The following ADGRB3 variants were observed in gnomAD, a reference collection of about 807,000 sequenced individuals.
The protein encoded by ADGRB3 is adhesion G protein-coupled receptor B3, also known as brain-specific angiogenesis inhibitor 3.
Under a neutral mutation model 193.4 loss-of-function variants are expected in ADGRB3, and 37 were observed. The observed-to-expected ratio is 0.19, with a 90% CI of 0.15 to 0.25. ADGRB3 has a LOEUF of 0.25. Ranked by LOEUF, ADGRB3 falls within the 10% of genes least tolerant of loss-of-function variation. ADGRB3 has a pLI of 1.00. For synonymous variants in ADGRB3, 690 were observed against 644.2 expected (o/e 1.07, Z -1.08); for missense variants, 1,637 against 1,852.9 (o/e 0.88, Z 2.14).
intron 11 of ADGRB3, among the ~76,000 whole-genome samples, chr6:69,013,434 AGAG>A (rs2150285017): frequency 6.6e-6 from 1 of 152,232 alleles, no homozygotes; most frequent in Admixed American, 6.5e-5. Flanking sequence ...GGCAAAAGGC[AGAG>A]GAGTAAAGAG....
chr6:69,027,139 A>G (rs1002901450), intron 13 of ADGRB3, among the ~76,000 whole-genome samples: 1 of 152,116 alleles, frequency 6.6e-6, no homozygotes, highest in African/African-American at 2.4e-5. Flanking sequence ...CATATTGTAC[A>G]GCTGTAAAAA....
chr6:68,681,517 A>G (rs1764896458), intron 3 of ADGRB3, among the ~76,000 whole-genome samples: 1 of 152,044 alleles, frequency 6.6e-6, no homozygotes, highest in South Asian at 2.1e-4. Context: ...CGGCCTCAAG[A>G]AGTCCTTTCA....
chr6:68,998,881 A>G (rs1263209224), intron 11 of ADGRB3, among the ~76,000 whole-genome samples: 1 of 152,166 alleles, frequency 6.6e-6, no homozygotes, highest in Non-Finnish European at 1.5e-5. Flanking sequence ...CTAAGATCCT[A>G]TTCTTTCCTA....
At chr6:68,868,522 C>G (rs757540958) in intron 3 of ADGRB3, among the ~76,000 whole-genome samples, 24 of 152,130 alleles carry the variant, frequency 1.6e-4, no homozygotes, top group Non-Finnish European at 2.9e-4. Context: ...ATATATAACA[C>G]TATAATTTTT....
intron 8 of ADGRB3, among the ~76,000 whole-genome samples, chr6:68,958,339 C>T (rs890533813): frequency 2.6e-5 from 4 of 152,044 alleles, no homozygotes; most frequent in African/African-American, 7.2e-5. Flanking sequence ...TCCAGTGCTG[C>T]GTAAGAAGAA....
At chr6:69,383,926 G>A (rs996192220) in intron 31 of ADGRB3, among the ~76,000 whole-genome samples, 2 of 151,738 alleles carry the variant, frequency 1.3e-5, no homozygotes, top group South Asian at 4.2e-4. Context: ...TATTTATATT[G>A]TTCTAAAGTA....
At chr6:69,235,215 G>A (rs1039324437) in intron 19 of ADGRB3, 80 bp downstream of exon 19, 10 of 1,074,198 alleles carry the variant, frequency 9.3e-6, no homozygotes, top group Middle Eastern at 2.0e-4. Flanking sequence ...ATTATTAAAT[G>A]TCTCCTGTCT....
chr6:68,854,957 A>G (rs1028730572), intron 3 of ADGRB3, among the ~76,000 whole-genome samples: 9 of 151,660 alleles, frequency 5.9e-5, no homozygotes, highest in East Asian at 1.9e-4. Flanking sequence ...TGCCCCAAAA[A>G]CCCATCCCTG....
At chr6:68,972,747 C>T (rs957995163) in intron 8 of ADGRB3, among the ~76,000 whole-genome samples, 2 of 151,840 alleles carry the variant, frequency 1.3e-5, no homozygotes, top group African/African-American at 2.4e-5. Flanking sequence ...AAACACCTAA[C>T]GTAAGGAAGA....
At chr6:69,338,414 A>T (rs915495180) in intron 24 of ADGRB3, among the ~76,000 whole-genome samples, 2 of 152,176 alleles carry the variant, frequency 1.3e-5, no homozygotes, top group Non-Finnish European at 2.9e-5. Context: ...TTGAGAAAAA[A>T]ATTACATCTT....
At chr6:69,174,687 A>G (rs1775376895) in intron 17 of ADGRB3, among the ~76,000 whole-genome samples, 1 of 152,240 alleles carries the variant, frequency 6.6e-6, no homozygotes, top group African/African-American at 2.4e-5. Flanking sequence ...TGCTTTCCAC[A>G]GTAGCTGAAC....
chr6:68,817,595 C>T (rs890341696), intron 3 of ADGRB3, among the ~76,000 whole-genome samples: 8 of 151,402 alleles, frequency 5.3e-5, no homozygotes, highest in Admixed American at 1.3e-4. Flanking sequence ...TCTAGTGAAA[C>T]CCCAGCAACA....
intron 29 of ADGRB3, among the ~76,000 whole-genome samples, chr6:69,363,571 C>A (rs1769497305): frequency 6.6e-6 from 1 of 152,002 alleles, no homozygotes; most frequent in Non-Finnish European, 1.5e-5. Flanking sequence ...GGAATAGAAT[C>A]TTTCTGTCCT....
rs543251887 is a variant in ADGRB3, at chr6:68,814,399, G to T, written c.758-116160G>T. On this transcript the variant is annotated intron_variant, in intron 3 of 31. Transcript: ENST00000370598. ...CATATCCTTCACCCACTTTTTGATGGTGTTGTTTGTTTTTTTCTTGTAAAT... is the reference window on the plus strand; with the variant it reads ...CATATCCTTCACCCACTTTTTGATGTTGTTGTTTGTTTTTTTCTTGTAAAT... Among the ~76,000 whole-genome samples, 6 of 152,246 alleles carry T rather than the reference G, an allele frequency of 3.9e-5. No homozygotes were observed. The South Asian group carries it at 1.2e-3, about 32-fold the overall frequency.
intron 3 of ADGRB3, among the ~76,000 whole-genome samples, chr6:68,854,647 GAGAAA>G (rs1284204965): frequency 6.6e-6 from 1 of 152,090 alleles, no homozygotes; most frequent in East Asian, 1.9e-4. Flanking sequence ...TTTGGCCATA[GAGAAA>G]AGAAATGTCC....
At chr6:68,938,345 AG>A (rs1367314231) in intron 5 of ADGRB3, among the ~76,000 whole-genome samples, 1 of 151,550 alleles carries the variant, frequency 6.6e-6, no homozygotes. Flanking sequence ...AAGAAAAACA[AG>A]TAGAAGTAAG....
chr6:69,064,348 A>C lies in ADGRB3; in HGVS notation c.2436+1312A>C, dbSNP rs575791944. Among the ~76,000 whole-genome samples, 25 of 151,890 alleles carry C rather than the reference A, an allele frequency of 1.6e-4. No individual in the cohort carries two copies. In the South Asian group the frequency reaches 1.7e-3, roughly 10 times the overall value. On this transcript the variant is annotated intron_variant, in intron 16 of 31. Transcript: ENST00000370598. ...TTAAACTATTCTAAATAGTTTAACT[A>C]TTTAAACTATTTAAACTATTAGTTA...
intron 26 of ADGRB3, among the ~76,000 whole-genome samples, chr6:69,348,793 G>A (rs1223133611): frequency 6.6e-6 from 1 of 152,174 alleles, no homozygotes; most frequent in Admixed American, 6.5e-5. Flanking sequence ...GGTTCAATAT[G>A]TCTTAAATAA....
At chr6:69,369,805 C>A (rs2127338876) in intron 29 of ADGRB3, among the ~76,000 whole-genome samples, 1 of 151,770 alleles carries the variant, frequency 6.6e-6, no homozygotes, top group Non-Finnish European at 1.5e-5. Context: ...AGAATGATTT[C>A]TAAGTTATTT....
Sources: allele counts gnomAD v4.1 joint callset (sites outside exome capture counted in the v4.1 genomes callset), GRCh38; gene constraint gnomAD v4.1.1; transcripts MANE v1.5; gene names NCBI Gene and HGNC (gene_info 2026-07-23, HGNC 2026-07-21).